The following SHB variants were observed in gnomAD, a reference collection of about 807,000 sequenced individuals.
The protein encoded by SHB is SH2 domain containing adaptor protein B.
In SHB, 20 loss-of-function variants were observed where a neutral mutation model predicts 52.3. That is an observed-to-expected ratio of 0.38 (90% confidence interval 0.27 to 0.56). The LOEUF (loss-of-function observed/expected upper bound fraction) is 0.56. Among genes scored for constraint, SHB ranks in the 20% least tolerant of loss-of-function variants. The pLI, the probability that SHB is intolerant of heterozygous loss-of-function variation, is 0.71. For missense variants in SHB, 825 were observed against 723.3 expected (o/e 1.14, Z -1.61); for synonymous variants, 397 against 316.5 (o/e 1.25, Z -2.70).
intron 1 of SHB, among the ~76,000 whole-genome samples, chr9:38,063,585 G>A (rs1465990564): frequency 6.6e-6 from 1 of 152,252 alleles, no homozygotes; most frequent in Non-Finnish European, 1.5e-5. Context: ...TCCCAGCCAA[G>A]TTCAGGCCCT....
intron 1 of SHB, among the ~76,000 whole-genome samples, chr9:38,047,154 T>C (rs1055319865): frequency 3.3e-5 from 5 of 152,218 alleles, no homozygotes; most frequent in Non-Finnish European, 7.3e-5. Flanking sequence ...AACACAGGAA[T>C]GTCAATAAAA....
chr9:37,923,022 T>C (rs1036122827), intron 5 of SHB, among the ~76,000 whole-genome samples: 3 of 152,230 alleles, frequency 2.0e-5, no homozygotes, highest in Non-Finnish European at 4.4e-5. Flanking sequence ...TTGGCCAGGA[T>C]TGCCTTCAGG....
intron 1 of SHB, among the ~76,000 whole-genome samples, chr9:38,060,665 C>A (rs556606397): frequency 2.0e-5 from 3 of 152,312 alleles, no homozygotes; most frequent in African/African-American, 7.2e-5. Flanking sequence ...GCTAATATTA[C>A]TGTAGTGGAA....
intron 4 of SHB, among the ~76,000 whole-genome samples, chr9:37,950,654 G>A (rs781352722): frequency 2.0e-5 from 3 of 152,154 alleles, no homozygotes; most frequent in Non-Finnish European, 2.9e-5. Context: ...TCCGAATGGT[G>A]GCTCTGCTGC....
At chr9:37,980,651 T>C (rs1279826256) in intron 2 of SHB, among the ~76,000 whole-genome samples, 1 of 152,244 alleles carries the variant, frequency 6.6e-6, no homozygotes, top group East Asian at 1.9e-4. Flanking sequence ...CCAGAAGGTT[T>C]TCAGTTTACT....
intron 3 of SHB, 149 bp from the exon 4 acceptor site, chr9:37,956,203 A>C: frequency 1.4e-6 from 1 of 727,174 alleles, no homozygotes; most frequent in East Asian, 2.8e-5. Flanking sequence ...CATGGCACAA[A>C]AGATTTTGGC....
chr9:38,068,392 C>A lies in SHB; in HGVS notation c.254G>T (p.Arg85Leu). The change falls in exon 1 of 6, where the codon CGC becomes CTC. Residue 85 changes from arginine to leucine, a missense_variant. By Grantham distance (102) the Arg-to-Leu change is moderately radical. Transcript: ENST00000377707. Reference sequence around the variant, plus strand: ...CTCGAAGTCTCGCTCCTTCTGCGCGCGGTAGGCGCGGATGAGGTCGCTGGT... The same window carrying A: ...CTCGAAGTCTCGCTCCTTCTGCGCGAGGTAGGCGCGGATGAGGTCGCTGGT... ...GSTSDLIRAY[R>L]AQKERDFEDP... 6.3e-7 allele frequency: 1 copy of A among 1,574,866 alleles called. No homozygotes were observed. The highest frequency in any genetic ancestry group is 1.2e-5 in the South Asian group (1 of 86,172).
intron 1 of SHB, among the ~76,000 whole-genome samples, chr9:38,029,569 G>A (rs1821387550): frequency 6.7e-6 from 1 of 150,014 alleles, no homozygotes; most frequent in African/African-American, 2.5e-5. Context: ...TAGGCTCACT[G>A]CAACCTCCAT....
At chr9:37,987,691 A>G (rs960367751) in intron 2 of SHB, among the ~76,000 whole-genome samples, 1 of 152,160 alleles carries the variant, frequency 6.6e-6, no homozygotes, top group Non-Finnish European at 1.5e-5. Flanking sequence ...ACCACATACA[A>G]GTCCCTACAG....
At chr9:37,921,742 A>G (rs1187288684) in intron 5 of SHB, among the ~76,000 whole-genome samples, 1 of 152,262 alleles carries the variant, frequency 6.6e-6, no homozygotes, top group African/African-American at 2.4e-5. Flanking sequence ...TGCAGAAAGG[A>G]AACGGCATGT....
intron 1 of SHB, among the ~76,000 whole-genome samples, chr9:38,063,901 T>A (rs1300273541): frequency 6.6e-6 from 1 of 151,972 alleles, no homozygotes; most frequent in Non-Finnish European, 1.5e-5. Context: ...TATAAAGTGT[T>A]GGTACACATT....
At chr9:38,010,312 C>A (rs1245322614) in intron 2 of SHB, among the ~76,000 whole-genome samples, 1 of 152,176 alleles carries the variant, frequency 6.6e-6, no homozygotes, top group African/African-American at 2.4e-5. Context: ...GTCATCCATG[C>A]CACCATAACT....
chr9:37,975,199 GGGGTC>G (rs1820640048), intron 2 of SHB, among the ~76,000 whole-genome samples: 1 of 152,136 alleles, frequency 6.6e-6, no homozygotes, highest in African/African-American at 2.4e-5. Context: ...TAAACAGGCT[GGGGTC>G]TTTCCCTCTA....
chr9:38,039,042 G>A (rs1440015944), intron 1 of SHB, among the ~76,000 whole-genome samples: 1 of 152,212 alleles, frequency 6.6e-6, no homozygotes, highest in Non-Finnish European at 1.5e-5. Flanking sequence ...TTATCAGGCA[G>A]GGCTGGCGGG....
intron 1 of SHB, among the ~76,000 whole-genome samples, chr9:38,047,001 G>A (rs1415827490): frequency 6.6e-6 from 1 of 152,166 alleles, no homozygotes; most frequent in East Asian, 1.9e-4. Flanking sequence ...GGAGGGGAGG[G>A]GCCTTGCCAA....
intron 5 of SHB, among the ~76,000 whole-genome samples, chr9:37,927,321 C>T (rs1198430760): frequency 1.3e-5 from 2 of 152,248 alleles, no homozygotes; most frequent in South Asian, 2.1e-4. Context: ...CAGTGACAAG[C>T]CAAAGACACA....
chr9:38,015,687 T>C (rs1056977227), intron 2 of SHB, among the ~76,000 whole-genome samples: 5 of 152,252 alleles, frequency 3.3e-5, no homozygotes, highest in Non-Finnish European at 7.3e-5. Context: ...AAATGCTATC[T>C]TTCTTCACTC....
At chr9:38,030,654 C>T (rs970138064) in intron 1 of SHB, among the ~76,000 whole-genome samples, 1 of 152,178 alleles carries the variant, frequency 6.6e-6, no homozygotes, top group Admixed American at 6.5e-5. Flanking sequence ...TAACAGCCTG[C>T]CATCACCATT....
chr9:38,002,462 C>A (rs1192225919), intron 2 of SHB, among the ~76,000 whole-genome samples: 1 of 152,162 alleles, frequency 6.6e-6, no homozygotes, highest in African/African-American at 2.4e-5. Context: ...GAAGGCAGGG[C>A]AGGAGGCCTT....
Sources: gnomAD v4.1 joint callset for allele counts (sites outside exome capture counted in the v4.1 genomes callset) on GRCh38, gnomAD v4.1.1 for gene constraint, MANE v1.5 for transcripts, NCBI Gene and HGNC (gene_info 2026-07-23, HGNC 2026-07-21) for gene names.